Variants in CYB5B observed in about 807,000 individuals in gnomAD.
CYB5B encodes cytochrome b5 type B.
In CYB5B, 14 loss-of-function variants were observed where a neutral mutation model predicts 21.3. The observed-to-expected ratio is 0.66, with a 90% CI of 0.43 to 1.03. CYB5B has a LOEUF of 1.03. Ranked by LOEUF, CYB5B falls within the 50% of genes least tolerant of loss-of-function variation. The pLI, the probability that CYB5B is intolerant of heterozygous loss-of-function variation, is 0.00. For missense variants in CYB5B, 166 were observed against 185.1 expected, an observed-to-expected ratio of 0.90 and a Z score of 0.60; for synonymous variants, 69 against 68.4, an observed-to-expected ratio of 1.01 and a Z score of -0.04.
chr16:69,459,240 G>A, intron 4 of CYB5B, 119 bp downstream of exon 4: 1 of 1,278,318 alleles, frequency 7.8e-7, no homozygotes, highest in Non-Finnish European at 1.1e-6. Flanking sequence ...ATTCTTTTTT[G>A]GCCCAAATCA....
intron 1 of CYB5B, among the ~76,000 whole-genome samples, chr16:69,433,274 T>A (rs1049082425): frequency 6.6e-6 from 1 of 152,268 alleles, no homozygotes; most frequent in East Asian, 1.9e-4. Flanking sequence ...CCTAGGTAAT[T>A]TTTTTCATTT....
At chr16:69,451,633 T>A (rs900725837) in intron 3 of CYB5B, among the ~76,000 whole-genome samples, 5 of 151,780 alleles carry the variant, frequency 3.3e-5, no homozygotes, top group Admixed American at 1.3e-4. Flanking sequence ...AAAAAAAAAA[T>A]TTAAATAGTT....
rs1597277167 is a variant in CYB5B, at chr16:69,424,862, G to A, written c.174+5G>A. The A allele has an allele frequency of 6.4e-7, 1 of 1,567,240 alleles. No individual in the cohort carries two copies. Among genetic ancestry groups the A allele is most frequent in the Non-Finnish European group, 8.7e-7 (1 of 1,155,022 alleles). On this transcript the variant is annotated splice_donor_5th_base_variant and intron_variant, in intron 1 of 4. Transcript: ENST00000307892. ...GTCACCCGCTTCCTCAACGAGGTGGGGCCTGGGAGGTGGGAGGCCTCTGAA... is the reference window on the plus strand; with the variant it reads ...GTCACCCGCTTCCTCAACGAGGTGGAGCCTGGGAGGTGGGAGGCCTCTGAA...
chr16:69,458,601 A>G (rs1178222765), intron 3 of CYB5B, among the ~76,000 whole-genome samples: 1 of 152,152 alleles, frequency 6.6e-6, no homozygotes, highest in African/African-American at 2.4e-5. Flanking sequence ...TTATGATTTC[A>G]AGGAGTGAAC....
At chr16:69,426,057 A>G (rs1184488853) in intron 1 of CYB5B, among the ~76,000 whole-genome samples, 2 of 152,208 alleles carry the variant, frequency 1.3e-5, no homozygotes, top group East Asian at 1.9e-4. Flanking sequence ...CAAACTCAGA[A>G]TTTACTAACT....
chr16:69,463,937 A>C lies in CYB5B; in HGVS notation c.*1417A>C, dbSNP rs902419763. ...GGAAGCACTTGAGGAAATAAATAGTACACTGGCTGTTTTCTGCCAGCAACT... is the reference window on the plus strand; with the variant it reads ...GGAAGCACTTGAGGAAATAAATAGTCCACTGGCTGTTTTCTGCCAGCAACT... On this transcript the variant is annotated 3_prime_UTR_variant, in exon 5 of 5. Transcript: ENST00000307892. 1 of 152,220 alleles carries C rather than the reference A, an allele frequency of 6.6e-6. No individual in the cohort carries two copies. Among genetic ancestry groups the C allele is most frequent in the African/African-American group, 2.4e-5 (1 of 41,448 alleles). 9.4% of individuals were successfully genotyped at this position (152,220 alleles called of 1,614,324 possible).
At chr16:69,455,213 G>A (rs187668918) in intron 3 of CYB5B, among the ~76,000 whole-genome samples, 7 of 152,054 alleles carry the variant, frequency 4.6e-5, no homozygotes, top group African/African-American at 1.2e-4. Context: ...GTCGTAATGC[G>A]TCATAATCAT....
At chr16:69,454,094 T>C (rs1240278798) in intron 3 of CYB5B, among the ~76,000 whole-genome samples, 2 of 152,222 alleles carry the variant, frequency 1.3e-5, no homozygotes, top group African/African-American at 4.8e-5. Flanking sequence ...TCCAATGTTA[T>C]AACAAATTTT....
intron 4 of CYB5B, 26 bp downstream of exon 4, chr16:69,459,147 A>C (rs375114343): frequency 3.1e-6 from 5 of 1,602,954 alleles, no homozygotes; most frequent in South Asian, 1.1e-5. Context: ...ACAGCTTTCC[A>C]TACGTTCAAG....
At chr16:69,459,632 C>T (rs1018776545) in intron 4 of CYB5B, 10 of 152,546 alleles carry the variant, frequency 6.6e-5, no homozygotes, top group African/African-American at 2.4e-4. Context: ...TTAGTATTAG[C>T]TCTGAAAGTT....
intron 1 of CYB5B, 80 bp downstream of exon 1, chr16:69,424,937 A>C: frequency 7.3e-7 from 1 of 1,361,720 alleles, no homozygotes. Flanking sequence ...TGTGGGAAGG[A>C]AGGGAGGCTT....
In CYB5B at chr16:69,447,261, A is replaced by G. The variant is rs1183321929; in HGVS notation, c.286A>G (p.Ile96Val). The change falls in exon 2 of 5, where the codon ATT (isoleucine) becomes GTT (valine). Residue 96 changes from isoleucine (I) to valine (V), a missense_variant. By Grantham distance (29) the Ile-to-Val change is conservative. Coordinates refer to ENST00000307892, the MANE Select transcript of CYB5B (RefSeq NM_030579.3). ...CAGAGAAATGCTAAAGCAGTACTAC[A>G]TTGGTGATATCCATCCGGTAAGAAC... ...DAREMLKQYY[I>V]GDIHPSDLKP... 1.9e-6 allele frequency: 3 copies of G among 1,613,942 alleles called. No homozygotes were observed. Among genetic ancestry groups the G allele is most frequent in the African/African-American group, 1.3e-5 (1 of 75,040 alleles).
At chr16:69,425,593 G>A (rs1050983282) in intron 1 of CYB5B, among the ~76,000 whole-genome samples, 2 of 152,000 alleles carry the variant, frequency 1.3e-5, no homozygotes, top group African/African-American at 4.8e-5. Context: ...CTTTATTGAG[G>A]TGTAATGTAC....
At chr16:69,449,934 A>G (rs139188837) in intron 3 of CYB5B, 2,741 of 152,330 alleles carry the variant, frequency 0.018, 55 homozygotes, top group South Asian at 0.022. Flanking sequence ...CTATTGAGCC[A>G]TCCAGGTGCA....
At chr16:69,425,168 A>G (rs1286327624) in intron 1 of CYB5B, among the ~76,000 whole-genome samples, 1 of 152,216 alleles carries the variant, frequency 6.6e-6, no homozygotes, top group Non-Finnish European at 1.5e-5. Context: ...ACTGAGGCTC[A>G]CAGGTTGAGG....
chr16:69,457,273 G>A (rs1051822631), intron 3 of CYB5B, among the ~76,000 whole-genome samples: 1 of 152,064 alleles, frequency 6.6e-6, no homozygotes, highest in Non-Finnish European at 1.5e-5. Context: ...TGTAAAAGAG[G>A]CTAAAAGCTT....
At chr16:69,448,003 G>A in intron 2 of CYB5B, 112 bp from the exon 3 acceptor site, 1 of 1,095,540 alleles carries the variant, frequency 9.1e-7, no homozygotes, top group African/African-American at 1.6e-5. Context: ...ATCTCCCAGG[G>A]AATTCACTAT....
chr16:69,461,367 T>C (rs149255108), intron 4 of CYB5B, among the ~76,000 whole-genome samples: 5 of 152,348 alleles, frequency 3.3e-5, no homozygotes, highest in Middle Eastern at 3.4e-3. Flanking sequence ...ATTGCTGTTA[T>C]ACGTGCCATA....
intron 4 of CYB5B, among the ~76,000 whole-genome samples, chr16:69,461,528 A>G (rs997295855): frequency 1.3e-5 from 2 of 152,202 alleles, no homozygotes; most frequent in Non-Finnish European, 2.9e-5. Context: ...ATTGACTTCA[A>G]AACCTTTTAA....
Sources: gnomAD v4.1 joint callset for allele counts (sites outside exome capture counted in the v4.1 genomes callset) on GRCh38, gnomAD v4.1.1 for gene constraint, MANE v1.5 for transcripts, NCBI Gene and HGNC (gene_info 2026-07-23, HGNC 2026-07-21) for gene names.